Variants in BLNK observed in about 807,000 individuals in gnomAD.
BLNK encodes B-cell linker protein.
A neutral mutation model predicts 73.5 loss-of-function variants in BLNK; 29 were observed. The observed-to-expected ratio is 0.39, with a 90% CI of 0.29 to 0.54. The LOEUF (loss-of-function observed/expected upper bound fraction) is 0.54. Ranked by LOEUF, BLNK falls within the 20% of genes least tolerant of loss-of-function variation. The pLI is 0.61. For synonymous variants in BLNK, 176 were observed against 200.8 expected (o/e 0.88, Z 1.04); for missense variants, 460 against 562.8 (o/e 0.82, Z 1.85).
intron 3 of BLNK, among the ~76,000 whole-genome samples, chr10:96,234,761 C>T (rs1435479703): frequency 6.6e-6 from 1 of 152,194 alleles, no homozygotes; most frequent in African/African-American, 2.4e-5. Flanking sequence ...AATTTACTCC[C>T]ACGTCAATCA....
chr10:96,238,221 C>G (rs192754775), intron 3 of BLNK, among the ~76,000 whole-genome samples: 9 of 152,338 alleles, frequency 5.9e-5, no homozygotes, highest in African/African-American at 1.9e-4. Flanking sequence ...CTTCTGTACT[C>G]TAACTAGGGA....
intron 12 of BLNK, 180 bp downstream of exon 12, chr10:96,204,352 T>C (rs1400788199): frequency 3.9e-6 from 3 of 763,202 alleles, no homozygotes; most frequent in Non-Finnish European, 2.2e-6. Context: ...AGTAGGTCTC[T>C]GCAACTCTAC....
intron 3 of BLNK, among the ~76,000 whole-genome samples, chr10:96,235,844 C>T (rs587612582): frequency 5.0e-4 from 76 of 152,034 alleles, no homozygotes; most frequent in African/African-American, 1.8e-3. Flanking sequence ...AGAATGAATG[C>T]GCTGGGCTGG....
At chr10:96,216,779 T>C (rs1554899985) in intron 6 of BLNK, 45 bp from the exon 7 acceptor site, 1 of 1,483,804 alleles carries the variant, frequency 6.7e-7, no homozygotes, top group Non-Finnish European at 9.4e-7. Context: ...TGTACATTCA[T>C]AGTTGACTGT....
intron 1 of BLNK, among the ~76,000 whole-genome samples, chr10:96,268,523 G>C (rs1425997111): frequency 6.6e-6 from 1 of 151,420 alleles, no homozygotes; most frequent in Non-Finnish European, 1.5e-5. Context: ...AAAGACATGA[G>C]AATCTGTGCT....
intron 11 of BLNK, 54 bp downstream of exon 11, chr10:96,206,957 T>C (rs1384262522): frequency 6.5e-7 from 1 of 1,539,166 alleles, no homozygotes; most frequent in African/African-American, 1.4e-5. Context: ...ATACAAATCC[T>C]TAATAAAATA....
At chr10:96,202,289 T>C (rs2083665592) in intron 13 of BLNK, among the ~76,000 whole-genome samples, 2 of 152,142 alleles carry the variant, frequency 1.3e-5, no homozygotes, top group Admixed American at 1.3e-4. Flanking sequence ...TTCCAGCTGC[T>C]GGGCTGGAAA....
At chr10:96,270,700 T>C (rs557619030) in intron 1 of BLNK, among the ~76,000 whole-genome samples, 3 of 152,090 alleles carry the variant, frequency 2.0e-5, no homozygotes, top group Non-Finnish European at 4.4e-5. Flanking sequence ...CATGATGCCA[T>C]TACAATGAGA....
intron 8 of BLNK, chr10:96,210,159 A>C: frequency 1.9e-6 from 1 of 522,654 alleles, no homozygotes; most frequent in Non-Finnish European, 3.5e-6. Flanking sequence ...AACATTTCTA[A>C]AGGACCTTCT....
At chr10:96,197,263 C>T (rs1554894935) in intron 15 of BLNK, among the ~76,000 whole-genome samples, 200 bp from the exon 16 acceptor site, 1 of 151,908 alleles carries the variant, frequency 6.6e-6, no homozygotes, top group African/African-American at 2.4e-5. Context: ...CATAGAAAAT[C>T]CTGAGTGAGA....
At chr10:96,257,245 T>C (rs893570315) in intron 1 of BLNK, among the ~76,000 whole-genome samples, 12 of 152,010 alleles carry the variant, frequency 7.9e-5, no homozygotes, top group African/African-American at 2.9e-4. Flanking sequence ...GCCAAGGAGA[T>C]GGGGGGTTAC....
At chr10:96,228,488 C>T (rs1449236961) in intron 4 of BLNK, among the ~76,000 whole-genome samples, 6 of 152,084 alleles carry the variant, frequency 3.9e-5, no homozygotes, top group Non-Finnish European at 8.8e-5. Flanking sequence ...AACTCCTGAC[C>T]TCAGGTGATC....
At chr10:96,204,200 A>G in intron 12 of BLNK, 112 bp from the exon 13 acceptor site, 1 of 1,161,272 alleles carries the variant, frequency 8.6e-7, no homozygotes, top group Non-Finnish European at 1.3e-6. Flanking sequence ...AAATCAATAC[A>G]AATGGCCAAT....
At chr10:96,201,522 TA>T in intron 13 of BLNK, among the ~76,000 whole-genome samples, 1 of 152,344 alleles carries the variant, frequency 6.6e-6, no homozygotes, top group South Asian at 2.1e-4. Context: ...TTAAATGGAT[TA>T]ATAAATGTTT....
intron 6 of BLNK, among the ~76,000 whole-genome samples, chr10:96,217,658 T>C (rs1424746180): frequency 6.6e-6 from 1 of 151,936 alleles, no homozygotes; most frequent in African/African-American, 2.4e-5. Flanking sequence ...GGGTTGTTTA[T>C]CTTTTTATTG....
At chr10:96,204,119 A>G (rs1353846150) in intron 12 of BLNK, 31 bp from the exon 13 acceptor site, 1 of 1,612,858 alleles carries the variant, frequency 6.2e-7, no homozygotes. Flanking sequence ...TAATTAAAGG[A>G]CAAAGCACAA....
rs566005156 is a variant in BLNK, at chr10:96,264,899, T to C, written c.47+6453A>G. Among the ~76,000 whole-genome samples the C allele has an allele frequency of 7.2e-5, 11 of 152,320 alleles. No individual in the cohort carries two copies. In the South Asian group the frequency reaches 2.3e-3, roughly 32 times the overall value. On this transcript the variant is annotated intron_variant, in intron 1 of 16. Transcript: ENST00000224337. ...CTGCTTTGTCTTTTATCCAATGTCC[T>C]TAGGCAACATATTCTGCTCTAGGAT...
intron 3 of BLNK, 35 bp downstream of exon 3, chr10:96,242,700 C>A: frequency 6.3e-7 from 1 of 1,583,770 alleles, no homozygotes; most frequent in South Asian, 1.1e-5. Flanking sequence ...TTAAATTAGT[C>A]AAGAGTCAGT....
chr10:96,249,360 G>A (rs149017630), intron 1 of BLNK, among the ~76,000 whole-genome samples: 5 of 152,366 alleles, frequency 3.3e-5, no homozygotes, highest in African/African-American at 1.2e-4. Context: ...CAGCAGTGGA[G>A]CAGTTTAGAG....
Sources: allele counts gnomAD v4.1 joint callset (sites outside exome capture counted in the v4.1 genomes callset), GRCh38; gene constraint gnomAD v4.1.1; transcripts MANE v1.5; gene names NCBI Gene and HGNC (gene_info 2026-07-23, HGNC 2026-07-21).